The following VPS13A variants were observed in gnomAD, a reference collection of about 807,000 sequenced individuals.
The protein encoded by VPS13A is vacuolar protein sorting 13 homolog A, also known as intermembrane lipid transfer protein VPS13A.
VPS13A carries 264 observed loss-of-function variants against 390.9 expected under a neutral mutation model. The observed-to-expected ratio is 0.68, with a 90% CI of 0.61 to 0.75. The LOEUF is 0.75. VPS13A is among the 30% of genes least tolerant of loss of function. VPS13A has a pLI of 0.00. For missense variants in VPS13A, 3,409 were observed against 3,733.9 expected (o/e 0.91, Z 2.27); for synonymous variants, 1,231 against 1,227.1 (o/e 1.00, Z -0.07).
At chr9:77,381,289 A>T (rs1330957816) in intron 67 of VPS13A, among the ~76,000 whole-genome samples, 2 of 151,716 alleles carry the variant, frequency 1.3e-5, no homozygotes, top group African/African-American at 2.4e-5. Flanking sequence ...TAGTTTTTTT[A>T]TTTTTTTGTA....
At chr9:77,395,465 A>G (rs1208218765) in intron 68 of VPS13A, among the ~76,000 whole-genome samples, 1 of 152,176 alleles carries the variant, frequency 6.6e-6, no homozygotes, top group Non-Finnish European at 1.5e-5. Context: ...AGATATAATA[A>G]TGATAAAAAA....
At chr9:77,297,041 C>T (rs940799855) in intron 33 of VPS13A, among the ~76,000 whole-genome samples, 2 of 151,836 alleles carry the variant, frequency 1.3e-5, no homozygotes, top group Admixed American at 1.3e-4. Context: ...ATCTGGTTAG[C>T]GATTTATCCG....
In VPS13A at chr9:77,403,326, C is replaced by G. The variant is rs377574392; in HGVS notation, c.9275+5C>G. 3 of 1,607,658 alleles carry G rather than the reference C, an allele frequency of 1.9e-6. No individual in the cohort carries two copies. Among genetic ancestry groups the G allele is most frequent in the East Asian group, 2.2e-5 (1 of 44,788 alleles). On this transcript the variant is annotated splice_donor_5th_base_variant and intron_variant, in intron 69 of 71. Coordinates refer to ENST00000360280, the MANE Select transcript of VPS13A (RefSeq NM_033305.3). ...TATGCTAATGATAACCAGACGGTAA[C>G]TTGCTTTCTTTCTCTTACGTAATTT...
rs1829525587 is a variant in VPS13A, at chr9:77,318,305, C to G, written c.5027C>G (p.Pro1676Arg). 1 of 1,610,530 alleles carries G rather than the reference C, an allele frequency of 6.2e-7. No homozygotes were observed. The highest frequency in any genetic ancestry group is 8.5e-7 in the Non-Finnish European group (1 of 1,179,078). The change falls in exon 41 of 72, where the codon CCA (proline) becomes CGA (arginine). Residue 1676 changes from proline (P) to arginine (R), a missense_variant. Transcript: ENST00000360280. ...CTGTATACAACTAAGGAAACCATCC[C>G]AGAAGAAACGGCTTCTTCTACTGCA... ...SALYTTKETI[P>R]EETASSTAHL...
intron 23 of VPS13A, among the ~76,000 whole-genome samples, chr9:77,262,062 T>A (rs547275420): frequency 6.6e-6 from 1 of 152,354 alleles, no homozygotes; most frequent in South Asian, 2.1e-4. Context: ...AATTTCTGTT[T>A]TTGGAAACTG....
intron 33 of VPS13A, among the ~76,000 whole-genome samples, chr9:77,297,461 A>T (rs1380600173): frequency 6.6e-6 from 1 of 151,906 alleles, no homozygotes. Context: ...ACAATAGTAA[A>T]CTGGGACAAT....
At position 77,418,939 on chromosome 9, in the gene VPS13A, T is replaced by G. The variant is rs775917834; in HGVS notation, c.*2933T>G. On this transcript the variant is annotated 3_prime_UTR_variant, in exon 72 of 72. Transcript: ENST00000360280. ...AGTGCTGAATTTCCTGCACCTAAAT[T>G]ATTCAGTTATCACTTGCCAGTATTA... 12 of 152,296 alleles carry G rather than the reference T, an allele frequency of 7.9e-5. No individual in the cohort carries two copies. The highest frequency in any genetic ancestry group is 1.8e-4 in the Non-Finnish European group (12 of 68,034). The allele number at this position is 152,296 out of a possible 1,614,324, so 9.4% of individuals were successfully genotyped here.
At chr9:77,358,889 C>T (rs1474371030) in intron 57 of VPS13A, among the ~76,000 whole-genome samples, 1 of 152,006 alleles carries the variant, frequency 6.6e-6, no homozygotes, top group Non-Finnish European at 1.5e-5. Flanking sequence ...TTTCTCTTCC[C>T]TCCTCACTAC....
At chr9:77,213,419 A>G (rs1826082231) in intron 9 of VPS13A, 105 bp downstream of exon 9, 1 of 907,288 alleles carries the variant, frequency 1.1e-6, no homozygotes, top group Non-Finnish European at 1.8e-6. Context: ...TTTCCTAGGC[A>G]CAATCTATTA....
chr9:77,371,215 CT>C, intron 67 of VPS13A, 66 bp downstream of exon 67: 12 of 1,604,300 alleles, frequency 7.5e-6, no homozygotes, highest in Non-Finnish European at 1.0e-5. Context: ...AATTTATCTG[CT>C]CTTTGGCTTC....
At position 77,293,373 on chromosome 9, in the gene VPS13A, C is replaced by T. The variant is rs767214865; in HGVS notation, c.3372C>T (p.Ser1124=). ...ATATCACTGGAAAAGAAGTTTTCAG[C>T]TTCAAAATGGTTTCTTACATGGATG... The part of the protein sequence containing the change: ...AVYITGKEVF[S]FKMVSYMDAT... The change falls in exon 32 of 72, where the codon AGC becomes AGT. Residue 1124 remains serine, a synonymous_variant. Transcript: ENST00000360280. 7.4e-6 allele frequency: 12 copies of T among 1,613,216 alleles called. No homozygotes were observed. The South Asian group carries it at 7.7e-5, about 10-fold the overall frequency.
At chr9:77,302,021 GATCTTGGTTCA>G (rs1442776655) in intron 33 of VPS13A, among the ~76,000 whole-genome samples, 1 of 151,096 alleles carries the variant, frequency 6.6e-6, no homozygotes, top group East Asian at 1.9e-4. Flanking sequence ...GCAATGGCAT[GATCTTGGTTCA>G]ATGCAACCTC....
intron 46 of VPS13A, among the ~76,000 whole-genome samples, chr9:77,336,635 A>G (rs1420641724): frequency 1.3e-5 from 2 of 151,514 alleles, no homozygotes; most frequent in East Asian, 1.9e-4. Context: ...AGATGATTCT[A>G]TGTGGTTTTC....
chr9:77,371,245 T>A, intron 67 of VPS13A, 96 bp downstream of exon 67: 1 of 1,550,876 alleles, frequency 6.4e-7, no homozygotes, highest in Admixed American at 1.8e-5. Flanking sequence ...AGTTATTGTC[T>A]TTGTTTTGTG....
chr9:77,393,213 C>T (rs867282684), intron 68 of VPS13A, among the ~76,000 whole-genome samples: 24 of 152,276 alleles, frequency 1.6e-4, no homozygotes, highest in South Asian at 8.3e-4. Context: ...GCAATTTCTC[C>T]TTTGTTCAAG....
chr9:77,335,204 G>C (rs983171801), intron 46 of VPS13A, among the ~76,000 whole-genome samples: 1 of 152,184 alleles, frequency 6.6e-6, no homozygotes, highest in African/African-American at 2.4e-5. Context: ...CTTGGCTACA[G>C]TGTGGGTTCA....
At chr9:77,177,908 C>A in intron 1 of VPS13A, 104 bp downstream of exon 1, 1 of 1,053,370 alleles carries the variant, frequency 9.5e-7, no homozygotes, top group Non-Finnish European at 1.4e-6. Context: ...CCTTGCTCGC[C>A]GGGTGCAGCC....
chr9:77,287,182 T>A (rs1010683965), intron 31 of VPS13A, among the ~76,000 whole-genome samples: 4 of 147,976 alleles, frequency 2.7e-5, no homozygotes, highest in Non-Finnish European at 6.0e-5. Context: ...AAAAAACTAA[T>A]TATATATATT....
chr9:77,214,536 T>A, intron 10 of VPS13A, 150 bp downstream of exon 10: 7 of 564,096 alleles, frequency 1.2e-5, no homozygotes, highest in South Asian at 1.2e-4. Context: ...GCAAATAATA[T>A]TATATTTTTT....
Sources: gnomAD v4.1 joint callset for allele counts (sites outside exome capture counted in the v4.1 genomes callset) on GRCh38, gnomAD v4.1.1 for gene constraint, MANE v1.5 for transcripts, NCBI Gene and HGNC (gene_info 2026-07-23, HGNC 2026-07-21) for gene names.